HUNK: variants seen among roughly 807,000 people sequenced by gnomAD.
The protein encoded by HUNK is hormonally up-regulated Neu-associated kinase.
HUNK carries 21 observed loss-of-function variants against 61.0 expected under a neutral mutation model. The ratio of observed to expected loss-of-function variants is 0.34; its 90% CI spans 0.24 to 0.50. The LOEUF is 0.50. Among genes scored for constraint, HUNK ranks in the 20% least tolerant of loss-of-function variants. The probability of loss-of-function intolerance (pLI) is 0.98; values close to 1 mark genes in which losing one functional copy is unlikely to be tolerated. For synonymous variants in HUNK, 371 were observed against 386.1 expected (o/e 0.96, Z 0.46); for missense variants, 772 against 945.7 (o/e 0.82, Z 2.41).
chr21:31,936,043 C>T (rs995792233), intron 2 of HUNK, among the ~76,000 whole-genome samples: 7 of 152,098 alleles, frequency 4.6e-5, no homozygotes, highest in Admixed American at 6.5e-5. Flanking sequence ...GTGATCAACC[C>T]GCCTCAGCTT....
intron 1 of HUNK, among the ~76,000 whole-genome samples, chr21:31,918,258 A>G (rs4143358): frequency 0.38 from 57,153 of 152,010 alleles, 11,920 homozygotes; most frequent in African/African-American, 0.56. Flanking sequence ...AAACAAGCTG[A>G]TAATGAGCTG....
chr21:31,882,723 A>G (rs1347956107), intron 1 of HUNK, among the ~76,000 whole-genome samples: 1 of 152,176 alleles, frequency 6.6e-6, no homozygotes, highest in Non-Finnish European at 1.5e-5. Flanking sequence ...GCTACTAAGT[A>G]TAGTCACCCT....
intron 8 of HUNK, among the ~76,000 whole-genome samples, chr21:31,986,657 G>A (rs532146681): frequency 6.6e-6 from 1 of 152,138 alleles, no homozygotes; most frequent in Non-Finnish European, 1.5e-5. Context: ...CACACACAGC[G>A]CTGCATCCCT....
intron 6 of HUNK, among the ~76,000 whole-genome samples, chr21:31,969,570 CTTTT>C (rs1005480558): frequency 7.0e-6 from 1 of 143,732 alleles, no homozygotes. Flanking sequence ...TCTCTTTTTT[CTTTT>C]TTTTTTTTTT....
In HUNK at chr21:31,999,944, G is replaced by A; in HGVS notation, c.*760G>A. The A allele has an allele frequency of 2.5e-6, 1 of 392,728 alleles. No individual in the cohort carries two copies. Among genetic ancestry groups the A allele is most frequent in the Non-Finnish European group, 4.5e-6 (1 of 222,862 alleles). The allele number at this position is 392,728 out of a possible 1,614,324, so 24.3% of individuals were successfully genotyped here. ...TTTTAAAACTTGGATGGAGAGATGA[G>A]AAGCAATTCCACCAAACTCATGTTT... On this transcript the variant is annotated 3_prime_UTR_variant, in exon 11 of 11. Transcript: ENST00000270112.
chr21:31,936,730 T>C (rs1057352995), intron 2 of HUNK, among the ~76,000 whole-genome samples: 1 of 150,588 alleles, frequency 6.6e-6, no homozygotes, highest in Admixed American at 6.6e-5. Flanking sequence ...AAAGCGGATA[T>C]TTTTTTTTCT....
chr21:31,919,095 A>T (rs527405423), intron 1 of HUNK, among the ~76,000 whole-genome samples: 4 of 83,210 alleles, frequency 4.8e-5, no homozygotes, highest in East Asian at 3.3e-4. Context: ...CGGTATGAGG[A>T]GGAGGGGCTG....
At chr21:31,998,294 G>A (rs189810626) in intron 10 of HUNK, among the ~76,000 whole-genome samples, 17 of 152,286 alleles carry the variant, frequency 1.1e-4, no homozygotes, top group Admixed American at 4.6e-4. Context: ...TCCAGGAGAC[G>A]TCCTGTCGCC....
At position 31,883,545 on chromosome 21, in the gene HUNK, G is replaced by A. The variant is rs536020389; in HGVS notation, c.261+9610G>A. Among the ~76,000 whole-genome samples the A allele has an allele frequency of 2.0e-5, 3 of 152,088 alleles. No homozygotes were observed. The South Asian group carries it at 6.2e-4, about 32-fold the overall frequency. On this transcript the variant is annotated intron_variant, in intron 1 of 10. Coordinates refer to ENST00000270112, the MANE Select transcript of HUNK (RefSeq NM_014586.2). ...TAGTCGTCTTTGAGTGATATATTTT[G>A]CAGTGTCTACCACCTTCCCTCGCTC...
At chr21:31,980,528 C>T (rs2053089894) in intron 7 of HUNK, among the ~76,000 whole-genome samples, 1 of 151,844 alleles carries the variant, frequency 6.6e-6, no homozygotes, top group Non-Finnish European at 1.5e-5. Context: ...AGACGCCTGC[C>T]TGCCACCACA....
chr21:31,892,174 TATATATAGAGAGAGAGAG>T (rs1402995006), intron 1 of HUNK, among the ~76,000 whole-genome samples: 5 of 122,026 alleles, frequency 4.1e-5, no homozygotes, highest in African/African-American at 1.6e-4. Context: ...TATATATATA[TATATATAGAGAGAGAGAG>T]AGAGAGAGAG....
At chr21:31,891,247 C>T (rs2052385710) in intron 1 of HUNK, among the ~76,000 whole-genome samples, 1 of 152,190 alleles carries the variant, frequency 6.6e-6, no homozygotes, top group South Asian at 2.1e-4. Flanking sequence ...CGTGGTGGCC[C>T]ACCCCTGCAA....
chr21:31,974,726 G>T lies in HUNK; in HGVS notation c.1173+9G>T. 1 of 1,603,262 alleles carries T rather than the reference G, an allele frequency of 6.2e-7. No homozygotes were observed. ...AGCGCTATTTGTCAGGGGTAAGTGCGACCCTAGAGGCGATCGTCTCTGCTG... is the reference window on the plus strand; with the variant it reads ...AGCGCTATTTGTCAGGGGTAAGTGCTACCCTAGAGGCGATCGTCTCTGCTG... On this transcript the variant is annotated intron_variant, in intron 7 of 10. Transcript: ENST00000270112.
intron 1 of HUNK, among the ~76,000 whole-genome samples, chr21:31,875,342 C>G (rs916800811): frequency 6.6e-6 from 1 of 152,164 alleles, no homozygotes; most frequent in Non-Finnish European, 1.5e-5. Flanking sequence ...TCTCCGTCAC[C>G]CTTGTCATTT....
intron 4 of HUNK, among the ~76,000 whole-genome samples, chr21:31,951,191 A>AATATAT (rs60578023): frequency 1.4e-5 from 2 of 147,816 alleles, no homozygotes; most frequent in South Asian, 2.1e-4. Context: ...TATATGTATA[A>AATATAT]ATATATATAT....
chr21:31,889,953 A>G (rs1601360775), intron 1 of HUNK, among the ~76,000 whole-genome samples: 1 of 152,170 alleles, frequency 6.6e-6, no homozygotes. Flanking sequence ...TCTAATATAA[A>G]TCAGTGTTTT....
intron 1 of HUNK, among the ~76,000 whole-genome samples, chr21:31,882,608 G>A (rs2052316237): frequency 6.6e-6 from 1 of 152,170 alleles, no homozygotes; most frequent in Non-Finnish European, 1.5e-5. Context: ...AGTGTGTAAT[G>A]ATCAAGCCAG....
intron 1 of HUNK, among the ~76,000 whole-genome samples, chr21:31,888,971 G>A (rs531064790): frequency 6.6e-6 from 1 of 152,104 alleles, no homozygotes; most frequent in African/African-American, 2.4e-5. Flanking sequence ...TCTCTGAGTA[G>A]CTCTGGTTCG....
At chr21:31,892,209 AGTGTGTGT>A (rs1302324059) in intron 1 of HUNK, among the ~76,000 whole-genome samples, 1 of 114,306 alleles carries the variant, frequency 8.7e-6, no homozygotes, top group Non-Finnish European at 1.8e-5. Flanking sequence ...AGAGAGAGAG[AGTGTGTGT>A]GTGTGTGTGT....
Sources: gnomAD v4.1 joint callset for allele counts (sites outside exome capture counted in the v4.1 genomes callset) on GRCh38, gnomAD v4.1.1 for gene constraint, MANE v1.5 for transcripts, NCBI Gene and HGNC (gene_info 2026-07-23, HGNC 2026-07-21) for gene names.